The following CCDC18 variants were observed in gnomAD, a reference collection of about 807,000 sequenced individuals.
The protein encoded by CCDC18 is coiled-coil domain-containing protein 18.
A neutral mutation model predicts 196.0 loss-of-function variants in CCDC18; 157 were observed. The ratio of observed to expected loss-of-function variants is 0.80; its 90% confidence interval spans 0.70 to 0.91. The LOEUF is 0.91. CCDC18 is among the 40% of genes least tolerant of loss of function. The pLI, the probability that CCDC18 is intolerant of heterozygous loss-of-function variation, is 0.00. For missense variants in CCDC18, 1,465 were observed against 1,611.6 expected (o/e 0.91, Z 1.56); for synonymous variants, 482 against 529.2 (o/e 0.91, Z 1.22).
At chr1:93,199,349 A>T (rs1016423793) in intron 6 of CCDC18, among the ~76,000 whole-genome samples, 1 of 152,200 alleles carries the variant, frequency 6.6e-6, no homozygotes, top group African/African-American at 2.4e-5. Context: ...AGGCGCCAGC[A>T]CGGGCGCCAG....
chr1:93,260,568 T>TA (rs1663641323), intron 26 of CCDC18, among the ~76,000 whole-genome samples: 1 of 152,094 alleles, frequency 6.6e-6, no homozygotes, highest in African/African-American at 2.4e-5. Flanking sequence ...ATTAAAGTAA[T>TA]AGAGAGCTAG....
intron 28 of CCDC18, among the ~76,000 whole-genome samples, chr1:93,276,178 A>G (rs1570675023): frequency 6.6e-6 from 1 of 152,374 alleles, no homozygotes; most frequent in East Asian, 1.9e-4. Flanking sequence ...AAACCGATAC[A>G]TGAGAAGTGT....
intron 26 of CCDC18, among the ~76,000 whole-genome samples, chr1:93,260,727 T>G (rs1378240571): frequency 6.6e-6 from 1 of 152,070 alleles, no homozygotes; most frequent in African/African-American, 2.4e-5. Context: ...CATCAACCTG[T>G]CACCTACATT....
At chr1:93,180,494 C>T, upstream of CCDC18, 1 of 1,523,956 alleles carries the variant, frequency 6.6e-7, no homozygotes, top group South Asian at 1.2e-5. Flanking sequence ...CAGGCGTGAG[C>T]GCCGCCCGCC....
chr1:93,276,998 G>A (rs1411995711), intron 28 of CCDC18, among the ~76,000 whole-genome samples: 1 of 126,360 alleles, frequency 7.9e-6, no homozygotes, highest in Non-Finnish European at 1.6e-5. Context: ...GATGTGTCAG[G>A]GTCACAAGAC....
intron 7 of CCDC18, among the ~76,000 whole-genome samples, chr1:93,204,934 T>C (rs1654480544): frequency 6.6e-6 from 1 of 151,948 alleles, no homozygotes; most frequent in Non-Finnish European, 1.5e-5. Context: ...AGGAATATGC[T>C]TGGGGAGAAG....
intron 26 of CCDC18, among the ~76,000 whole-genome samples, chr1:93,262,608 C>A (rs1343468515): frequency 6.6e-6 from 1 of 152,230 alleles, no homozygotes. Context: ...GGCAGCTCCA[C>A]CCCTGTGGTT....
intron 12 of CCDC18, 89 bp from the exon 13 acceptor site, chr1:93,216,547 A>G: frequency 1.7e-6 from 1 of 597,690 alleles, no homozygotes; most frequent in Non-Finnish European, 2.9e-6. Context: ...ATGTATTTGA[A>G]CTTTGAAAGA....
At chr1:93,255,148 T>A (rs1344782242) in intron 24 of CCDC18, among the ~76,000 whole-genome samples, 1 of 151,936 alleles carries the variant, frequency 6.6e-6, no homozygotes, top group African/African-American at 2.4e-5. Context: ...AGATGGTGTT[T>A]CACCATATTG....
chr1:93,241,655 G>A (rs1180985772), intron 21 of CCDC18, among the ~76,000 whole-genome samples: 1 of 146,692 alleles, frequency 6.8e-6, no homozygotes, highest in Admixed American at 6.9e-5. Context: ...CTGGGAGGTG[G>A]AGGTTGCAAT....
intron 4 of CCDC18, among the ~76,000 whole-genome samples, chr1:93,189,689 G>A (rs1467513407): frequency 6.6e-6 from 1 of 151,894 alleles, no homozygotes. Flanking sequence ...TTGAGACAAG[G>A]TCTTGCTCTG....
Position 93,220,424 on chromosome 1 carries a change from T to G in CCDC18, c.1963-1185T>G, listed in dbSNP as rs545658118. Among the ~76,000 whole-genome samples the G allele has an allele frequency of 1.8e-4, 27 of 151,898 alleles. No homozygotes were observed. The Middle Eastern group carries it at 0.017, about 96-fold the overall frequency. On this transcript the variant is annotated intron_variant, in intron 14 of 28. Transcript: ENST00000690025. ...GGAAAAAAAATACCTGAGAGAAACT[T>G]GGGACCTCAGGAATAAAGGAAGAAC...
intron 23 of CCDC18, among the ~76,000 whole-genome samples, chr1:93,252,782 A>T (rs2101039276): frequency 6.6e-6 from 1 of 152,344 alleles, no homozygotes; most frequent in African/African-American, 2.4e-5. Context: ...CCTTCCAGGA[A>T]TTTAAGCAAA....
chr1:93,217,038 C>T (rs978231783), intron 13 of CCDC18, among the ~76,000 whole-genome samples: 2 of 150,286 alleles, frequency 1.3e-5, no homozygotes, highest in African/African-American at 5.0e-5. Flanking sequence ...GGGTTCACGC[C>T]ATTCTCCTGC....
In CCDC18 at chr1:93,217,808, T is replaced by G. The variant is rs1656753665; in HGVS notation, c.1901T>G (p.Phe634Cys). The part of the protein sequence containing the change: ...NTEHEKICLA[F>C]EKAKKIHLEQ... ...GAGCATGAGAAAATTTGTTTAGCCT[T>G]TGAAAAAGCAAAGAAAATTCACTTG... The change falls in exon 14 of 29, where the codon TTT (phenylalanine) becomes TGT (cysteine). Residue 634 changes from phenylalanine (F) to cysteine (C), a missense_variant. Transcript: ENST00000690025. 6.2e-7 allele frequency: 1 copy of G among 1,612,710 alleles called. No homozygotes were observed. The highest frequency in any genetic ancestry group is 1.7e-4 in the Middle Eastern group (1 of 6,046).
At chr1:93,255,989 A>G (rs991798722) in intron 24 of CCDC18, among the ~76,000 whole-genome samples, 9 of 152,198 alleles carry the variant, frequency 5.9e-5, no homozygotes, top group African/African-American at 2.2e-4. Flanking sequence ...TCTGTCTTTG[A>G]CATAGATAAT....
intron 1 of CCDC18, 64 bp from the exon 2 acceptor site, chr1:93,183,296 A>G: frequency 8.8e-7 from 1 of 1,142,022 alleles, no homozygotes; most frequent in Non-Finnish European, 1.2e-6. Flanking sequence ...TATTCATGTG[A>G]GTATTTTGAC....
rs2100952811 is a variant in CCDC18, at chr1:93,246,893, T to C, written c.3137T>C (p.Ile1046Thr). The stretch of plus-strand genomic sequence containing the variant: ...CACAGAGGAGAAATGGAACAAAAAA[T>C]AATTAAATTAGAAGGTACTCTGGAG... ...REHRGEMEQK[I>T]IKLEGTLEKS... is the part of the protein sequence containing the mutation. The change falls in exon 23 of 29, where the codon ATA becomes ACA. Residue 1046 changes from isoleucine to threonine, a missense_variant. Physicochemically the swap from Ile to Thr is moderately conservative, Grantham distance 89. Coordinates refer to ENST00000690025, the MANE Select transcript of CCDC18 (RefSeq NM_001378204.1). 6.5e-7 allele frequency: 1 copy of C among 1,545,980 alleles called. No individual in the cohort carries two copies. The highest frequency in any genetic ancestry group is 8.8e-7 in the Non-Finnish European group (1 of 1,132,228).
chr1:93,181,669 G>T (rs1180153836), intron 1 of CCDC18, among the ~76,000 whole-genome samples: 2 of 151,940 alleles, frequency 1.3e-5, no homozygotes. Flanking sequence ...AGGCTGGAGT[G>T]CAGTGGCGCG....
Sources: allele counts gnomAD v4.1 joint callset (sites outside exome capture counted in the v4.1 genomes callset), GRCh38; gene constraint gnomAD v4.1.1; transcripts MANE v1.5; gene names NCBI Gene and HGNC (gene_info 2026-07-23, HGNC 2026-07-21).